The following SYT2 variants were observed in gnomAD, a reference collection of about 807,000 sequenced individuals.
SYT2 encodes synaptotagmin-2.
SYT2 carries 15 observed loss-of-function variants against 39.9 expected under a neutral mutation model. The observed-to-expected ratio is 0.38, with a 90% CI of 0.25 to 0.58. The LOEUF is 0.58. Among genes scored for constraint, SYT2 ranks in the 20% least tolerant of loss-of-function variants. The probability of loss-of-function intolerance (pLI) is 0.70; values close to 1 mark genes in which losing one functional copy is unlikely to be tolerated. For synonymous variants in SYT2, 181 were observed against 204.5 expected, an observed-to-expected ratio of 0.89 and a Z score of 0.98; for missense variants, 389 against 530.3, an observed-to-expected ratio of 0.73 and a Z score of 2.62.
chr1:202,709,302 G>A (rs1422852923), intron 1 of SYT2, among the ~76,000 whole-genome samples: 2 of 152,178 alleles, frequency 1.3e-5, no homozygotes, highest in African/African-American at 4.8e-5. Flanking sequence ...GCCCTGCCAG[G>A]AGACACCCCA....
chr1:202,675,109 T>C (rs1285420303), intron 1 of SYT2, among the ~76,000 whole-genome samples: 1 of 152,110 alleles, frequency 6.6e-6, no homozygotes, highest in African/African-American at 2.4e-5. Context: ...TAGTTAACTG[T>C]TGAATGAGGA....
At chr1:202,707,535 A>G (rs563846676) in intron 1 of SYT2, among the ~76,000 whole-genome samples, 27 of 152,306 alleles carry the variant, frequency 1.8e-4, no homozygotes, top group African/African-American at 6.3e-4. Flanking sequence ...CAAGTGAAGT[A>G]GTGTTTCTAC....
chr1:202,604,716 C>T (rs1690639542), intron 2 of SYT2, 95 bp from the exon 3 acceptor site: 7 of 1,261,402 alleles, frequency 5.5e-6, no homozygotes, highest in Non-Finnish European at 7.7e-6. Context: ...AATATGACTG[C>T]CATCCCACAA....
intron 1 of SYT2, among the ~76,000 whole-genome samples, chr1:202,610,271 G>A: frequency 6.6e-6 from 1 of 152,208 alleles, no homozygotes; most frequent in East Asian, 1.9e-4. Context: ...CCAGTACCAT[G>A]CTGTTTTGGT....
At chr1:202,646,590 G>A (rs1207462416) in intron 1 of SYT2, among the ~76,000 whole-genome samples, 1 of 152,184 alleles carries the variant, frequency 6.6e-6, no homozygotes, top group Non-Finnish European at 1.5e-5. Context: ...ATGACTACAG[G>A]CAAATTGCAT....
intron 1 of SYT2, among the ~76,000 whole-genome samples, chr1:202,694,265 G>A (rs1002766029): frequency 6.6e-6 from 1 of 152,220 alleles, no homozygotes; most frequent in Non-Finnish European, 1.5e-5. Context: ...GAAAAAAGGA[G>A]CTGAGTCTAT....
intron 3 of SYT2, chr1:202,604,225 C>T (rs1012912208): frequency 2.9e-5 from 15 of 513,930 alleles, no homozygotes; most frequent in Middle Eastern, 5.1e-4. Flanking sequence ...TATTGTTCTC[C>T]TTCACTGTCT....
chr1:202,641,053 C>T (rs1691903365), intron 1 of SYT2, among the ~76,000 whole-genome samples: 2 of 152,214 alleles, frequency 1.3e-5, no homozygotes, highest in Admixed American at 1.3e-4. Flanking sequence ...GTTTAATCCT[C>T]ATAAAAACCC....
intron 1 of SYT2, among the ~76,000 whole-genome samples, chr1:202,672,338 G>A (rs547447187): frequency 8.4e-4 from 128 of 152,306 alleles, no homozygotes; most frequent in African/African-American, 2.7e-3. Context: ...GCCATGAAAT[G>A]GGGGTCCTCT....
chr1:202,624,308 G>A (rs1316386663), intron 1 of SYT2, among the ~76,000 whole-genome samples: 3 of 151,378 alleles, frequency 2.0e-5, no homozygotes, highest in African/African-American at 7.3e-5. Flanking sequence ...TGATGTAGGG[G>A]GTGGTGTGGG....
chr1:202,653,547 G>A (rs1490122003), intron 1 of SYT2, among the ~76,000 whole-genome samples: 1 of 151,860 alleles, frequency 6.6e-6, no homozygotes, highest in South Asian at 2.1e-4. Context: ...CTCGTATGGG[G>A]GTCAGAAATA....
rs1033317094 is a variant in SYT2, at chr1:202,639,419, G to A, written c.-17-33630C>T. 48 of 818,702 alleles carry A rather than the reference G, an allele frequency of 5.9e-5. No homozygotes were observed. The East Asian group carries it at 2.5e-3, about 42-fold the overall frequency. The allele number at this position is 818,702 out of a possible 1,614,324, so 50.7% of individuals were successfully genotyped here. A position where few individuals can be genotyped will look rare whatever the true frequency, so the allele number is the denominator to read the frequency against. ...TCTACAAGGGCTGGCAAGCTCCGTC[G>A]CTGGGCTTGGAGCTCCCCCTAAGCC... On this transcript the variant is annotated intron_variant, in intron 1 of 8. Coordinates refer to ENST00000367268, the MANE Select transcript of SYT2 (RefSeq NM_177402.5).
intron 1 of SYT2, among the ~76,000 whole-genome samples, chr1:202,607,877 T>C (rs1219319045): frequency 6.9e-6 from 1 of 144,952 alleles, no homozygotes; most frequent in African/African-American, 2.7e-5. Context: ...CAGGGCTCTG[T>C]GACCTTTTTT....
In SYT2 at chr1:202,595,854, A is replaced by T. The variant is rs987652096; in HGVS notation, c.*903T>A. The stretch of plus-strand genomic sequence containing the variant: ...CTTCATAGTTTGATATTTATTGTCA[A>T]TAAGAGTGAGATTTTGGGACTGAGA... On this transcript the variant is annotated 3_prime_UTR_variant, in exon 9 of 9. Transcript: ENST00000367268. The T allele has an allele frequency of 1.3e-5, 2 of 152,180 alleles. No individual in the cohort carries two copies. The highest frequency in any genetic ancestry group is 2.4e-5 in the African/African-American group (1 of 41,442). The allele number at this position is 152,180 out of a possible 1,614,324, so 9.4% of individuals were successfully genotyped here.
At position 202,628,956 on chromosome 1, in the gene SYT2, A is replaced by G. The variant is rs2149089250; in HGVS notation, c.-17-23167T>C. Among the ~76,000 whole-genome samples, 1 of 152,278 alleles carries G rather than the reference A, an allele frequency of 6.6e-6. No homozygotes were observed. ...GCACTCCGTCTGCAAAATGGGAATG[A>G]TAATGGAAGCTGCTGCGCAGGGCTG... On this transcript the variant is annotated intron_variant, in intron 1 of 8. Transcript: ENST00000367268. The surrounding 1 kb of genome is among the most constrained non-coding windows in gnomAD (Gnocchi z 4.2).
At chr1:202,634,871 C>T (rs1481636416) in intron 1 of SYT2, among the ~76,000 whole-genome samples, 1 of 152,058 alleles carries the variant, frequency 6.6e-6, no homozygotes, top group Non-Finnish European at 1.5e-5. Context: ...TTGGCTAAGG[C>T]TGGGAGGAAT....
intron 1 of SYT2, among the ~76,000 whole-genome samples, chr1:202,657,727 C>G (rs1413379952): frequency 6.6e-6 from 1 of 151,978 alleles, no homozygotes; most frequent in Non-Finnish European, 1.5e-5. Flanking sequence ...TAGACAACAG[C>G]CCTGGGATCC....
At chr1:202,642,918 C>T (rs1026823242) in intron 1 of SYT2, among the ~76,000 whole-genome samples, 1 of 152,256 alleles carries the variant, frequency 6.6e-6, no homozygotes, top group African/African-American at 2.4e-5. Context: ...GGTCCCAGCG[C>T]TAAGGCACCG....
At chr1:202,611,006 G>A (rs1206148303) in intron 1 of SYT2, among the ~76,000 whole-genome samples, 7 of 152,226 alleles carry the variant, frequency 4.6e-5, no homozygotes, top group Middle Eastern at 3.4e-3. Flanking sequence ...AAAAGAGCCC[G>A]CATTGCCAAG....
Sources: gnomAD v4.1 joint callset for allele counts (sites outside exome capture counted in the v4.1 genomes callset) on GRCh38, gnomAD v4.1.1 for gene constraint, Gnocchi (gnomAD v3.1) non-coding constraint, MANE v1.5 for transcripts, NCBI Gene and HGNC (gene_info 2026-07-23, HGNC 2026-07-21) for gene names.